VAV3: variants seen among roughly 807,000 people sequenced by gnomAD.
The protein encoded by VAV3 is vav guanine nucleotide exchange factor 3.
VAV3 carries 94 observed loss-of-function variants against 131.2 expected under a neutral mutation model. That is an observed-to-expected ratio of 0.72 (90% CI 0.61 to 0.85). The LOEUF (loss-of-function observed/expected upper bound fraction) is 0.85, where lower values mean the gene tolerates loss of function less well. Ranked by LOEUF, VAV3 falls within the 40% of genes least tolerant of loss-of-function variation. VAV3 has a pLI of 0.00. For missense variants in VAV3, 939 were observed against 1,002.7 expected (o/e 0.94, Z 0.86); for synonymous variants, 349 against 342.0 (o/e 1.02, Z -0.22).
intron 19 of VAV3, among the ~76,000 whole-genome samples, chr1:107,650,101 T>A (rs561345200): frequency 1.1e-4 from 16 of 152,244 alleles, no homozygotes; most frequent in African/African-American, 3.9e-4. Flanking sequence ...CTGAGCCATA[T>A]GCGTGAATGC....
At chr1:107,861,511 A>G (rs532170498) in intron 2 of VAV3, among the ~76,000 whole-genome samples, 11 of 151,712 alleles carry the variant, frequency 7.3e-5, no homozygotes, top group Admixed American at 2.0e-4. Flanking sequence ...TATAGATATA[A>G]GGAGCAGATG....
intron 26 of VAV3, 85 bp from the exon 27 acceptor site, chr1:107,573,457 A>T (rs1649391576): frequency 5.2e-6 from 8 of 1,531,830 alleles, no homozygotes; most frequent in Non-Finnish European, 7.1e-6. Flanking sequence ...TTTTGTTTTC[A>T]TAACACCCCA....
intron 15 of VAV3, among the ~76,000 whole-genome samples, chr1:107,720,026 A>G (rs1661384948): frequency 6.6e-6 from 1 of 152,102 alleles, no homozygotes; most frequent in Non-Finnish European, 1.5e-5. Context: ...ACTTGGACAC[A>G]AGGCAGGGAA....
At chr1:107,790,935 C>A (rs895344499) in intron 2 of VAV3, among the ~76,000 whole-genome samples, 9 of 152,008 alleles carry the variant, frequency 5.9e-5, no homozygotes, top group African/African-American at 2.2e-4. Flanking sequence ...ATCTGCCCGC[C>A]TCGGACTCCC....
intron 17 of VAV3, among the ~76,000 whole-genome samples, chr1:107,691,706 T>C (rs972317280): frequency 1.3e-5 from 2 of 152,132 alleles, no homozygotes; most frequent in Non-Finnish European, 2.9e-5. Flanking sequence ...AGAACCTTTC[T>C]AGATGGTGAC....
At chr1:107,891,112 G>A (rs1030078289) in intron 1 of VAV3, among the ~76,000 whole-genome samples, 1 of 150,710 alleles carries the variant, frequency 6.6e-6, no homozygotes, top group Non-Finnish European at 1.5e-5. Flanking sequence ...TTCAAGCCCT[G>A]ATGTCCTACC....
intron 2 of VAV3, among the ~76,000 whole-genome samples, chr1:107,855,348 C>T (rs1669421089): frequency 6.6e-6 from 1 of 152,152 alleles, no homozygotes; most frequent in South Asian, 2.1e-4. Flanking sequence ...ACAATCATGG[C>T]TCACTGCGGC....
chr1:107,637,896 T>C (rs1655054082), intron 20 of VAV3, among the ~76,000 whole-genome samples: 3 of 152,154 alleles, frequency 2.0e-5, no homozygotes, highest in African/African-American at 7.2e-5. Context: ...GATTTAATCA[T>C]AGAAAATAAA....
intron 19 of VAV3, among the ~76,000 whole-genome samples, chr1:107,650,384 G>T (rs1250358943): frequency 2.0e-5 from 3 of 151,824 alleles, no homozygotes; most frequent in African/African-American, 4.8e-5. Flanking sequence ...AAAATAATCT[G>T]AACTACTATT....
rs1663524520 is a variant in VAV3, at chr1:107,748,915, TA to T, written c.1502+52del. 3.1e-6 allele frequency: 4 copies of T among 1,277,626 alleles called. No individual in the cohort carries two copies. In the African/African-American group the frequency reaches 4.5e-5, roughly 14 times the overall value. The allele number at this position is 1,277,626 out of a possible 1,614,324, so 79.1% of individuals were successfully genotyped here. On this transcript the variant is annotated intron_variant, in intron 15 of 26. Coordinates refer to ENST00000370056, the MANE Select transcript of VAV3 (RefSeq NM_006113.5). ...ACACTTATTGGTTGTTCATTATTCA[TA>T]AGTGATTTAACTAGTAAAAATAAAA...
chr1:107,935,182 G>A (rs1199514698), intron 1 of VAV3, among the ~76,000 whole-genome samples: 1 of 152,156 alleles, frequency 6.6e-6, no homozygotes, highest in African/African-American at 2.4e-5. Context: ...TAAGATTACA[G>A]TTTCCTACAG....
At chr1:107,612,017 C>T (rs1282051996) in intron 21 of VAV3, among the ~76,000 whole-genome samples, 1 of 151,946 alleles carries the variant, frequency 6.6e-6, no homozygotes, top group Non-Finnish European at 1.5e-5. Context: ...TACTATTTTT[C>T]TCTAATGCCA....
At chr1:107,672,413 T>A (rs897128653) in intron 19 of VAV3, among the ~76,000 whole-genome samples, 1 of 152,026 alleles carries the variant, frequency 6.6e-6, no homozygotes, top group South Asian at 2.1e-4. Flanking sequence ...AATAAGTTAT[T>A]ACTTAAAAAT....
intron 19 of VAV3, among the ~76,000 whole-genome samples, chr1:107,667,151 T>C (rs1284184483): frequency 6.6e-6 from 1 of 152,198 alleles, no homozygotes; most frequent in Non-Finnish European, 1.5e-5. Context: ...CAGGAATGTA[T>C]AGATGGTGGC....
chr1:107,847,512 T>G (rs1669024205), intron 2 of VAV3, among the ~76,000 whole-genome samples: 1 of 151,822 alleles, frequency 6.6e-6, no homozygotes, highest in African/African-American at 2.4e-5. Flanking sequence ...ATTAACAAAA[T>G]AGACCGCTAG....
At chr1:107,818,285 T>G (rs974417172) in intron 2 of VAV3, among the ~76,000 whole-genome samples, 2 of 152,136 alleles carry the variant, frequency 1.3e-5, no homozygotes, top group African/African-American at 2.4e-5. Context: ...CCAATACTAA[T>G]CAATCAGTAT....
At chr1:107,600,187 C>G (rs927228875) in intron 24 of VAV3, among the ~76,000 whole-genome samples, 11 of 152,112 alleles carry the variant, frequency 7.2e-5, no homozygotes, top group African/African-American at 1.4e-4. Context: ...AAAGTGATTT[C>G]ACATTGTAAG....
chr1:107,952,483 TATACAC>T (rs1234608845), intron 1 of VAV3, among the ~76,000 whole-genome samples: 1 of 136,786 alleles, frequency 7.3e-6, no homozygotes, highest in Non-Finnish European at 1.5e-5. Flanking sequence ...TATATATATA[TATACAC>T]ACATAAATTC....
intron 21 of VAV3, among the ~76,000 whole-genome samples, chr1:107,616,948 T>G (rs1653198923): frequency 6.6e-6 from 1 of 152,168 alleles, no homozygotes; most frequent in Non-Finnish European, 1.5e-5. Context: ...TAAAATCATG[T>G]TACCCTAAAC....
Sources: allele counts gnomAD v4.1 joint callset (sites outside exome capture counted in the v4.1 genomes callset), GRCh38; gene constraint gnomAD v4.1.1; transcripts MANE v1.5; gene names NCBI Gene and HGNC (gene_info 2026-07-23, HGNC 2026-07-21).